The following MYO1B variants were observed in gnomAD, a reference collection of about 807,000 sequenced individuals.
The protein encoded by MYO1B is myosin IB, also known as unconventional myosin-Ib.
MYO1B carries 72 observed loss-of-function variants against 159.7 expected under a neutral mutation model. The ratio of observed to expected loss-of-function variants is 0.45; its 90% CI spans 0.37 to 0.55. MYO1B has a LOEUF of 0.55. Ranked by LOEUF, MYO1B falls within the 20% of genes least tolerant of loss-of-function variation. The pLI is 0.00. For missense variants in MYO1B, 1,062 were observed against 1,364.8 expected, an observed-to-expected ratio of 0.78 and a Z score of 3.50; for synonymous variants, 468 against 473.8, an observed-to-expected ratio of 0.99 and a Z score of 0.16.
chr2:191,249,972 C>G (rs1433471012), intron 1 of MYO1B, among the ~76,000 whole-genome samples: 2 of 152,238 alleles, frequency 1.3e-5, no homozygotes, highest in South Asian at 2.1e-4. Flanking sequence ...GCATTACACT[C>G]TTACAGCCTT....
chr2:191,284,609 CT>C (rs1010095767), intron 2 of MYO1B, among the ~76,000 whole-genome samples: 3 of 151,518 alleles, frequency 2.0e-5, no homozygotes, highest in African/African-American at 4.8e-5. Flanking sequence ...TCCAGAATCA[CT>C]TTTTTTTTGA....
At chr2:191,286,990 TAGGACTC>T (rs1015226958) in intron 2 of MYO1B, among the ~76,000 whole-genome samples, 5 of 152,164 alleles carry the variant, frequency 3.3e-5, no homozygotes, top group African/African-American at 1.2e-4. Context: ...GCTGGTGTGG[TAGGACTC>T]ATTAATGAAT....
chr2:191,357,266 T>C (rs1693354379), intron 7 of MYO1B, among the ~76,000 whole-genome samples: 1 of 152,230 alleles, frequency 6.6e-6, no homozygotes, highest in Admixed American at 6.5e-5. Context: ...GGAGGCTGTC[T>C]CTGACATGCA....
rs764901908 is a variant in MYO1B, at chr2:191,364,256, A to G, written c.1012A>G (p.Thr338Ala). The change falls in exon 11 of 31, where the codon ACT becomes GCT. Residue 338 changes from threonine (T) to alanine (A), a missense_variant. Physicochemically the swap from Thr to Ala is moderately conservative, Grantham distance 58. This residue lies in a region of MYO1B where 415 missense variants were observed against 544.0 expected (regional missense o/e 0.76). Transcript: ENST00000392318. ...TGAGGCCAAACAGGAGAAAGTTTCA[A>G]CTACACTGAATGTGGCTCAGGTGGG... ...TVEAKQEKVS[T>A]TLNVAQAYYA... 17 of 1,613,546 alleles carry G rather than the reference A, an allele frequency of 1.1e-5. No individual in the cohort carries two copies. The East Asian group carries it at 2.7e-4, about 25-fold the overall frequency.
intron 23 of MYO1B, 170 bp from the exon 24 acceptor site, chr2:191,402,462 C>T: frequency 1.6e-6 from 1 of 631,610 alleles, no homozygotes; most frequent in East Asian, 2.8e-5. Flanking sequence ...ATAAGCGCTG[C>T]ACCAGCCTGA....
At chr2:191,343,624 G>T (rs1352827862) in intron 5 of MYO1B, among the ~76,000 whole-genome samples, 1 of 152,106 alleles carries the variant, frequency 6.6e-6, no homozygotes, top group African/African-American at 2.4e-5. Flanking sequence ...TTGCTTTTAA[G>T]TTGGGGTGCT....
intron 16 of MYO1B, 103 bp downstream of exon 16, chr2:191,386,187 C>T: frequency 2.0e-6 from 2 of 1,011,434 alleles, no homozygotes; most frequent in Non-Finnish European, 3.0e-6. Context: ...CTTGTGAGGA[C>T]AAATTGAGCT....
At chr2:191,321,064 C>T (rs1314102327) in intron 3 of MYO1B, among the ~76,000 whole-genome samples, 1 of 152,088 alleles carries the variant, frequency 6.6e-6, no homozygotes, top group Non-Finnish European at 1.5e-5. Context: ...ATGAAAGCTT[C>T]ACTTAACCAA....
At chr2:191,321,733 T>C (rs1690728241) in intron 3 of MYO1B, among the ~76,000 whole-genome samples, 1 of 152,192 alleles carries the variant, frequency 6.6e-6, no homozygotes, top group Non-Finnish European at 1.5e-5. Flanking sequence ...CGTCTCTCAG[T>C]AAAAGTCATC....
chr2:191,257,826 C>T (rs1056117099), intron 1 of MYO1B, among the ~76,000 whole-genome samples: 10 of 152,154 alleles, frequency 6.6e-5, no homozygotes, highest in African/African-American at 1.4e-4. Context: ...TTTAAATAAA[C>T]GGAAGTAAGG....
intron 4 of MYO1B, among the ~76,000 whole-genome samples, chr2:191,337,992 T>G (rs1288574653): frequency 6.6e-6 from 1 of 152,232 alleles, no homozygotes; most frequent in Non-Finnish European, 1.5e-5. Context: ...AGGTAACTAT[T>G]ATTTCCAGTT....
intron 1 of MYO1B, among the ~76,000 whole-genome samples, chr2:191,248,873 G>A (rs1054769975): frequency 2.6e-5 from 4 of 152,104 alleles, no homozygotes; most frequent in African/African-American, 4.8e-5. Flanking sequence ...TTACTTTCAC[G>A]TCTATTATTG....
intron 3 of MYO1B, among the ~76,000 whole-genome samples, chr2:191,306,605 G>T (rs193119207): frequency 1.0e-3 from 156 of 152,214 alleles, no homozygotes; most frequent in Admixed American, 2.9e-3. Flanking sequence ...AGGACAGAAG[G>T]CTCATCTGAG....
intron 1 of MYO1B, among the ~76,000 whole-genome samples, chr2:191,264,256 C>T (rs977096809): frequency 2.6e-5 from 4 of 152,176 alleles, no homozygotes; most frequent in Non-Finnish European, 5.9e-5. Flanking sequence ...AACTAATAAA[C>T]ATTCATGAAA....
At chr2:191,313,725 G>A (rs949247857) in intron 3 of MYO1B, among the ~76,000 whole-genome samples, 2 of 152,084 alleles carry the variant, frequency 1.3e-5, no homozygotes, top group African/African-American at 2.4e-5. Flanking sequence ...CACCATTTTG[G>A]TCAGGCTGGT....
chr2:191,343,588 A>G (rs1395453707), intron 5 of MYO1B, among the ~76,000 whole-genome samples: 2 of 152,174 alleles, frequency 1.3e-5, no homozygotes, highest in African/African-American at 4.8e-5. Context: ...TATTGTTCCA[A>G]TATTTGACTT....
chr2:191,354,890 T>G (rs958410146), intron 7 of MYO1B, among the ~76,000 whole-genome samples: 9 of 152,172 alleles, frequency 5.9e-5, no homozygotes, highest in Non-Finnish European at 1.5e-5. Flanking sequence ...GTAATCATTT[T>G]ATTTTAGACA....
At chr2:191,286,926 G>T (rs1416916440) in intron 2 of MYO1B, among the ~76,000 whole-genome samples, 139 of 152,184 alleles carry the variant, frequency 9.1e-4, no homozygotes, top group Non-Finnish European at 2.6e-4. Context: ...GCTAGACCCT[G>T]TCTCAAAACA....
intron 1 of MYO1B, among the ~76,000 whole-genome samples, chr2:191,257,148 A>G (rs184193391): frequency 1.3e-5 from 2 of 152,272 alleles, no homozygotes; most frequent in Admixed American, 1.3e-4. Flanking sequence ...CATCAGTTTT[A>G]TTTTTATTGT....
Sources: allele counts gnomAD v4.1 joint callset (sites outside exome capture counted in the v4.1 genomes callset), GRCh38; gene constraint gnomAD v4.1.1; regional missense constraint gnomAD v4.1.1; transcripts MANE v1.5; gene names NCBI Gene and HGNC (gene_info 2026-07-23, HGNC 2026-07-21).